Variants in SPECC1 observed in about 807,000 individuals in gnomAD.
SPECC1 encodes the protein cytospin-B.
A neutral mutation model predicts 104.1 loss-of-function variants in SPECC1; 62 were observed. The observed-to-expected ratio is 0.60, with a 90% CI of 0.49 to 0.74. The LOEUF (loss-of-function observed/expected upper bound fraction) is 0.74, where lower values mean the gene tolerates loss of function less well. Among genes scored for constraint, SPECC1 ranks in the 30% least tolerant of loss-of-function variants. SPECC1 has a pLI of 0.00. For missense variants in SPECC1, 1,306 were observed against 1,310.5 expected (o/e 1.00, Z 0.05); for synonymous variants, 513 against 501.6 (o/e 1.02, Z -0.30).
chr17:20,295,241 G>A (rs2041310023), intron 12 of SPECC1, among the ~76,000 whole-genome samples: 2 of 138,596 alleles, frequency 1.4e-5, no homozygotes, highest in African/African-American at 5.5e-5. Flanking sequence ...TCATTGTTTA[G>A]TTCCCACCTA....
chr17:20,291,144 A>T (rs907951200), intron 12 of SPECC1, among the ~76,000 whole-genome samples: 3 of 152,148 alleles, frequency 2.0e-5, no homozygotes, highest in Admixed American at 6.5e-5. Context: ...TCCACCCCAG[A>T]GTCTGTTCCT....
In SPECC1 at chr17:20,156,116, C is replaced by T. The variant is rs1231072704; in HGVS notation, c.283+45554C>T. On this transcript the variant is annotated intron_variant, in intron 3 of 14. Transcript: ENST00000395527. ...GACCCGCCGGACGCAACCGCCTCGCCAGCCGGAGCCAGCGCGAGCTCGGCA... is the reference window on the plus strand; with the variant it reads ...GACCCGCCGGACGCAACCGCCTCGCTAGCCGGAGCCAGCGCGAGCTCGGCA... The T allele has an allele frequency of 2.9e-6, 4 of 1,370,946 alleles. No homozygotes were observed. The East Asian group carries it at 1.2e-4, about 42-fold the overall frequency. 84.9% of individuals were successfully genotyped at this position (1,370,946 alleles called of 1,614,324 possible). A position where few individuals can be genotyped will look rare whatever the true frequency, so the allele number is the denominator to read the frequency against.
intron 3 of SPECC1, chr17:20,112,448 CTGGCA>C: frequency 1.3e-6 from 1 of 765,584 alleles, no homozygotes; most frequent in East Asian, 2.4e-5. Flanking sequence ...CTGATTTTTG[CTGGCA>C]ACTTCAATCA....
intron 3 of SPECC1, among the ~76,000 whole-genome samples, chr17:20,121,171 A>T (rs1329930187): frequency 1.3e-5 from 2 of 152,178 alleles, no homozygotes; most frequent in Non-Finnish European, 2.9e-5. Flanking sequence ...ATTCATGCTC[A>T]CAATAGCCAT....
In SPECC1 at chr17:20,084,285, C is replaced by T. The variant is rs186345562; in HGVS notation, c.-21-12346C>T. The stretch of plus-strand genomic sequence containing the variant: ...CTCTACTAAAAATATAAAAATTAGT[C>T]GGGCACAGTGGAGGGCACTTGTAAT... On this transcript the variant is annotated intron_variant, in intron 1 of 14. Transcript: ENST00000395527. Among the ~76,000 whole-genome samples, 683 of 152,092 alleles carry T rather than the reference C, an allele frequency of 4.5e-3. 4 individuals are homozygous for T. The highest frequency in any genetic ancestry group is 0.016 in the African/African-American group (648 of 41,494).
intron 12 of SPECC1, among the ~76,000 whole-genome samples, chr17:20,271,837 T>C (rs1009827645): frequency 1.3e-5 from 2 of 152,152 alleles, no homozygotes; most frequent in African/African-American, 4.8e-5. Context: ...TAAAATTTTA[T>C]GACCTCGCAT....
At chr17:20,289,048 G>C (rs1217739068) in intron 12 of SPECC1, among the ~76,000 whole-genome samples, 1 of 152,106 alleles carries the variant, frequency 6.6e-6, no homozygotes, top group Non-Finnish European at 1.5e-5. Context: ...CTCCCAAAGT[G>C]CTGGGATTAT....
At chr17:20,258,023 C>CT (rs2039896196) in intron 11 of SPECC1, among the ~76,000 whole-genome samples, 2 of 152,160 alleles carry the variant, frequency 1.3e-5, no homozygotes. Flanking sequence ...AACAAGCTCT[C>CT]TGTCAGTATT....
intron 13 of SPECC1, among the ~76,000 whole-genome samples, chr17:20,300,383 G>T (rs939589566): frequency 6.6e-6 from 1 of 152,186 alleles, no homozygotes; most frequent in Non-Finnish European, 1.5e-5. Flanking sequence ...TTTCTGATAC[G>T]ATGTTGGAGA....
intron 4 of SPECC1, among the ~76,000 whole-genome samples, chr17:20,209,145 A>G (rs1249040055): frequency 2.6e-5 from 4 of 152,144 alleles, no homozygotes; most frequent in African/African-American, 9.7e-5. Context: ...GGTAAATCCT[A>G]ATTCTTCAGT....
intron 1 of SPECC1, among the ~76,000 whole-genome samples, chr17:20,013,863 C>T (rs7224567): frequency 0.069 from 10,508 of 152,174 alleles, 986 homozygotes; most frequent in African/African-American, 0.21. Context: ...TATAGATATA[C>T]ATTTGACTTT....
chr17:20,302,878 T>TAAAAAAAAAAA (rs35060925), intron 13 of SPECC1, among the ~76,000 whole-genome samples: 1 of 61,872 alleles, frequency 1.6e-5, no homozygotes, highest in African/African-American at 6.7e-5. Context: ...TGAGCCCATC[T>TAAAAAAAAAAA]AAAAAAAAAA....
intron 14 of SPECC1, among the ~76,000 whole-genome samples, chr17:20,307,987 A>T (rs2041818585): frequency 6.6e-6 from 1 of 152,218 alleles, no homozygotes; most frequent in African/African-American, 2.4e-5. Context: ...ATTATCAAAG[A>T]CTAGAAGAGA....
At chr17:20,088,005 C>T (rs1426380008) in intron 1 of SPECC1, among the ~76,000 whole-genome samples, 1 of 152,140 alleles carries the variant, frequency 6.6e-6, no homozygotes, top group Non-Finnish European at 1.5e-5. Context: ...AGGGTCAGAG[C>T]TCTTCCTTGG....
rs757191309 is a variant in SPECC1, at chr17:20,164,169, AT to A, written c.284-40145del. On this transcript the variant is annotated intron_variant, in intron 3 of 14. Coordinates refer to ENST00000395527, the MANE Select transcript of SPECC1 (RefSeq NM_001243439.2). ...TAATATTGGGATTTCTTCCCATGTA[AT>A]TTTTTTTTTTTTTTTTTTAAAGAGA... Among the ~76,000 whole-genome samples, 1,261 of 135,266 alleles carry A rather than the reference AT, an allele frequency of 9.3e-3. 9 individuals are homozygous for A. Among genetic ancestry groups the A allele is most frequent in the African/African-American group, 0.019 (699 of 36,942 alleles). 88.7% of individuals were successfully genotyped at this position (135,266 alleles called of 152,430 possible).
At chr17:20,065,618 T>C (rs892750098) in intron 1 of SPECC1, among the ~76,000 whole-genome samples, 1 of 152,196 alleles carries the variant, frequency 6.6e-6, no homozygotes, top group Non-Finnish European at 1.5e-5. Context: ...CTGTGACCTT[T>C]TGGGTTTTTA....
At chr17:20,019,855 C>A (rs2044302260) in intron 1 of SPECC1, among the ~76,000 whole-genome samples, 1 of 37,992 alleles carries the variant, frequency 2.6e-5, no homozygotes, top group Non-Finnish European at 6.1e-5. Flanking sequence ...GGCCTTTCAT[C>A]ACTGGCTTCT....
chr17:20,257,399 C>T, intron 10 of SPECC1, 52 bp from the exon 11 acceptor site: 1 of 1,517,160 alleles, frequency 6.6e-7, no homozygotes, highest in Non-Finnish European at 8.8e-7. Flanking sequence ...AGTATGATGG[C>T]AGTCAAGAGC....
chr17:20,112,205 TAAGC>T (rs1267077455), intron 3 of SPECC1: 2 of 764,096 alleles, frequency 2.6e-6, no homozygotes, highest in South Asian at 1.3e-5. Flanking sequence ...GTCTGGGAAA[TAAGC>T]AAGATCACAG....
Sources: allele counts gnomAD v4.1 joint callset (sites outside exome capture counted in the v4.1 genomes callset), GRCh38; gene constraint gnomAD v4.1.1; transcripts MANE v1.5; gene names NCBI Gene and HGNC (gene_info 2026-07-23, HGNC 2026-07-21).